Variants in GALNT13 observed in about 807,000 individuals in gnomAD.
GALNT13 encodes polypeptide N-acetylgalactosaminyltransferase 13, also known as UDP-GalNAc:polypeptide N-acetylgalactosaminyltransferase 13.
Under a neutral mutation model 64.2 loss-of-function variants are expected in GALNT13, and 28 were observed. The ratio of observed to expected loss-of-function variants is 0.44; its 90% CI spans 0.32 to 0.60. GALNT13 has a LOEUF of 0.60. GALNT13 is among the 20% of genes least tolerant of loss of function. The probability of loss-of-function intolerance (pLI) is 0.05; values close to 1 mark genes in which losing one functional copy is unlikely to be tolerated. For missense variants in GALNT13, 577 were observed against 669.8 expected (o/e 0.86, Z 1.53); for synonymous variants, 214 against 224.6 (o/e 0.95, Z 0.42).
At chr2:153,327,618 C>G in the GALNT13 span, among the ~76,000 whole-genome samples, 1 of 151,712 alleles carries the variant, frequency 6.6e-6, no homozygotes, top group Admixed American at 6.6e-5. Flanking sequence ...TCATGAAGTT[C>G]TCATGCTGTG....
At chr2:153,526,611 A>AGG in the GALNT13 span, among the ~76,000 whole-genome samples, 1 of 152,210 alleles carries the variant, frequency 6.6e-6, no homozygotes, top group Non-Finnish European at 1.5e-5. Context: ...TGAAGACTAA[A>AGG]ATAAACACCT....
intron 3 of GALNT13, among the ~76,000 whole-genome samples, chr2:154,026,350 A>G (rs987852849): frequency 9.9e-5 from 15 of 152,158 alleles, no homozygotes; most frequent in Non-Finnish European, 2.1e-4. Flanking sequence ...GAGGTGTAGA[A>G]TATAAGAGGA....
At position 153,932,680 on chromosome 2, in the gene GALNT13, T is replaced by G. The variant is rs574311089; in HGVS notation, c.-104-11714T>G. 2.0e-5 allele frequency among the ~76,000 whole-genome samples: 3 copies of G among 147,334 alleles called. No homozygotes were observed. The South Asian group carries it at 6.5e-4, about 32-fold the overall frequency. ...CTCGCTCTTGTTGCCCAGCCTCGAA[T>G]GCAATGGTGCAATCTTGGCTCGCTG... On this transcript the variant is annotated intron_variant, in intron 2 of 12. Transcript: ENST00000392825.
At chr2:154,149,587 T>A (rs1025273068) in intron 4 of GALNT13, among the ~76,000 whole-genome samples, 2 of 152,212 alleles carry the variant, frequency 1.3e-5, no homozygotes, top group Non-Finnish European at 2.9e-5. Flanking sequence ...TTTCTTTGTA[T>A]CCTCTTTTAT....
chr2:153,425,229 A>T, the GALNT13 span, among the ~76,000 whole-genome samples: 2 of 151,720 alleles, frequency 1.3e-5, no homozygotes, highest in African/African-American at 4.8e-5. Flanking sequence ...GAAAAAATAG[A>T]GAAAATTGAG....
At chr2:153,668,231 C>A in the GALNT13 span, among the ~76,000 whole-genome samples, 1 of 151,984 alleles carries the variant, frequency 6.6e-6, no homozygotes, top group Non-Finnish European at 1.5e-5. Context: ...TACTCAGGAC[C>A]TAAACACAAC....
chr2:154,267,153 A>C lies in GALNT13; in HGVS notation c.975+8015A>C, dbSNP rs182035173. On this transcript the variant is annotated intron_variant, in intron 8 of 12. Coordinates refer to ENST00000392825, the MANE Select transcript of GALNT13 (RefSeq NM_052917.4). ...CAACTGAATGTCTATGTGGGGGGGA[A>C]AAACAACTCCAATCCATAACTTATA... Among the ~76,000 whole-genome samples the C allele has an allele frequency of 3.4e-3, 511 of 150,664 alleles. 3 individuals are homozygous for C. The highest frequency in any genetic ancestry group is 6.0e-3 in the Non-Finnish European group (400 of 66,938).
the GALNT13 span, among the ~76,000 whole-genome samples, chr2:153,393,356 A>G: frequency 6.6e-6 from 1 of 150,968 alleles, no homozygotes; most frequent in African/African-American, 2.4e-5. Flanking sequence ...TTGCTTTTGT[A>G]CTATTCACCA....
chr2:153,616,441 A>AT, the GALNT13 span, among the ~76,000 whole-genome samples: 8 of 151,120 alleles, frequency 5.3e-5, no homozygotes, highest in Middle Eastern at 3.4e-3. Context: ...TCATTTTAGG[A>AT]TTTTTTTTCT....
intron 3 of GALNT13, among the ~76,000 whole-genome samples, chr2:154,016,093 A>G (rs6710932): frequency 0.37 from 56,870 of 151,908 alleles, 14,678 homozygotes; most frequent in East Asian, 0.84. Flanking sequence ...AATATCTGAC[A>G]GACTAGCAAG....
the GALNT13 span, among the ~76,000 whole-genome samples, chr2:153,167,259 T>C: frequency 6.6e-6 from 1 of 152,196 alleles, no homozygotes; most frequent in Non-Finnish European, 1.5e-5. Flanking sequence ...GGTCATACAT[T>C]TTTGCCTTTT....
At chr2:154,003,784 A>T (rs921221934) in intron 3 of GALNT13, among the ~76,000 whole-genome samples, 1 of 151,964 alleles carries the variant, frequency 6.6e-6, no homozygotes, top group African/African-American at 2.4e-5. Flanking sequence ...GAATTGTGAG[A>T]TCTGGTTGTT....
At chr2:154,179,432 A>T (rs886115773) in intron 4 of GALNT13, among the ~76,000 whole-genome samples, 2 of 152,136 alleles carry the variant, frequency 1.3e-5, no homozygotes, top group African/African-American at 4.8e-5. Flanking sequence ...TTTGCTGGTA[A>T]ATTACATGTA....
intron 9 of GALNT13, among the ~76,000 whole-genome samples, chr2:154,323,870 A>T (rs1172712816): frequency 6.6e-6 from 1 of 152,098 alleles, no homozygotes; most frequent in Non-Finnish European, 1.5e-5. Context: ...TATGAGCAAA[A>T]GTTCTGAGTC....
At position 154,396,140 on chromosome 2, in the gene GALNT13, A is replaced by T; in HGVS notation, c.1296+10A>T. 6.4e-7 allele frequency: 1 copy of T among 1,566,854 alleles called. No homozygotes were observed. The highest frequency in any genetic ancestry group is 8.6e-7 in the Non-Finnish European group (1 of 1,161,382). ...TTACTCACTTGGTGAGGTATGAATT[A>T]TTTATTTTGGTTAAGTTATAAATAT... On this transcript the variant is annotated intron_variant, in intron 10 of 12. Coordinates refer to ENST00000392825, the MANE Select transcript of GALNT13 (RefSeq NM_052917.4).
chr2:153,116,794 C>CT, the GALNT13 span, among the ~76,000 whole-genome samples: 33,276 of 82,498 alleles, frequency 0.4, 8,511 homozygotes, highest in South Asian at 0.55. Context: ...GTGTTGTCTT[C>CT]TTTTTTTTTT....
chr2:153,320,791 T>G, the GALNT13 span, among the ~76,000 whole-genome samples: 2 of 152,212 alleles, frequency 1.3e-5, no homozygotes, highest in Non-Finnish European at 2.9e-5. Context: ...TATCTTCAGC[T>G]GAAAGATAAA....
the GALNT13 span, among the ~76,000 whole-genome samples, chr2:153,784,189 G>A: frequency 6.6e-6 from 1 of 152,180 alleles, no homozygotes; most frequent in Admixed American, 6.5e-5. Flanking sequence ...GAGACTTTTT[G>A]AATGGCTTTG....
chr2:153,261,185 C>A, the GALNT13 span, among the ~76,000 whole-genome samples: 1 of 152,054 alleles, frequency 6.6e-6, no homozygotes, highest in Non-Finnish European at 1.5e-5. Flanking sequence ...ATATCTCTGT[C>A]TCTTTGAGAT....
Sources: allele counts gnomAD v4.1 joint callset (sites outside exome capture counted in the v4.1 genomes callset), GRCh38; gene constraint gnomAD v4.1.1; transcripts MANE v1.5; gene names NCBI Gene and HGNC (gene_info 2026-07-23, HGNC 2026-07-21).